Variants in CD99L2 observed in about 807,000 individuals in gnomAD.
The protein encoded by CD99L2 is CD99 antigen-like protein 2.
In CD99L2, 24 loss-of-function variants were observed where a neutral mutation model predicts 27.3. The ratio of observed to expected loss-of-function variants is 0.88; its 90% CI spans 0.64 to 1.24. The LOEUF is 1.24. Ranked by LOEUF, CD99L2 falls within the 50% of genes most tolerant of loss-of-function variation. CD99L2 has a pLI of 0.00. For synonymous variants in CD99L2, 97 were observed against 87.9 expected (o/e 1.10, Z -0.58); for missense variants, 255 against 221.6 (o/e 1.15, Z -0.96).
At chrX:150,864,063 A>G (rs1353087889) in intron 1 of CD99L2, among the ~76,000 whole-genome samples, 1 of 112,244 alleles carries the variant, frequency 8.9e-6, no homozygotes, top group Non-Finnish European at 1.9e-5. Context: ...CCAGTTTGTG[A>G]TACTTTGTTA....
intron 1 of CD99L2, among the ~76,000 whole-genome samples, chrX:150,868,150 TG>T (rs781852634): frequency 1.8e-5 from 2 of 109,664 alleles, no homozygotes; most frequent in South Asian, 7.7e-4. Context: ...CCCACATTAG[TG>T]TAATTAGCGT....
intron 7 of CD99L2, among the ~76,000 whole-genome samples, chrX:150,778,678 A>AC (rs1557419359): frequency 4.3e-5 from 1 of 23,376 alleles, no homozygotes; most frequent in African/African-American, 1.2e-4. Context: ...TATAATAAAA[A>AC]AAAAAAAATA....
chrX:150,793,642 C>A (rs375119285), intron 7 of CD99L2, 49 bp downstream of exon 7: 5 of 1,050,412 alleles, frequency 4.8e-6, no homozygotes, highest in Non-Finnish European at 6.4e-6. Flanking sequence ...TGCATAATCA[C>A]CTTTTTCACC....
intron 4 of CD99L2, among the ~76,000 whole-genome samples, chrX:150,812,098 C>G (rs1557420369): frequency 9.0e-6 from 1 of 111,699 alleles, no homozygotes; most frequent in African/African-American, 3.3e-5. Context: ...GAGGTCAAGG[C>G]TGCAGTGAAC....
At chrX:150,827,988 A>G (rs1244940747) in intron 2 of CD99L2, among the ~76,000 whole-genome samples, 1 of 111,976 alleles carries the variant, frequency 8.9e-6, no homozygotes, top group Admixed American at 9.5e-5. Context: ...GTTCTATTCC[A>G]TTGATCTCTA....
intron 9 of CD99L2, among the ~76,000 whole-genome samples, chrX:150,773,239 G>A (rs1176619380): frequency 3.6e-5 from 4 of 112,162 alleles, no homozygotes; most frequent in Non-Finnish European, 5.6e-5. Context: ...GGCCCAAGCC[G>A]GCCACCCTGT....
At chrX:150,857,767 GAAGAA>G (rs782153525) in intron 1 of CD99L2, among the ~76,000 whole-genome samples, 5 of 112,059 alleles carry the variant, frequency 4.5e-5, no homozygotes, top group South Asian at 3.7e-4. Context: ...AACAATAAGA[GAAGAA>G]AAGGACAAAC....
intron 2 of CD99L2, among the ~76,000 whole-genome samples, chrX:150,830,195 A>AG (rs1388260734): frequency 9.5e-6 from 1 of 105,534 alleles, no homozygotes; most frequent in Non-Finnish European, 2.0e-5. Context: ...TTAAAAAATG[A>AG]AAAAAAAAAG....
chrX:150,824,681 GAA>G (rs2046340884), intron 2 of CD99L2, among the ~76,000 whole-genome samples: 1 of 88,214 alleles, frequency 1.1e-5, no homozygotes, highest in African/African-American at 4.2e-5. Flanking sequence ...AGAGGAAGAA[GAA>G]GAAGAGGAAG....
intron 8 of CD99L2, among the ~76,000 whole-genome samples, chrX:150,776,680 T>C (rs2043561144): frequency 9.0e-6 from 1 of 111,481 alleles, no homozygotes; most frequent in Non-Finnish European, 1.9e-5. Context: ...TTGGAAACGT[T>C]CAGGGGAAGG....
At chrX:150,838,907 A>T (rs1459489155) in intron 1 of CD99L2, among the ~76,000 whole-genome samples, 27 of 84,829 alleles carry the variant, frequency 3.2e-4, no homozygotes, top group Admixed American at 1.4e-3. Context: ...GTAAAAAAAA[A>T]AAAAAAAAAA....
At chrX:150,886,548 A>AATTCTC (rs1557422630) in intron 1 of CD99L2, among the ~76,000 whole-genome samples, 91 of 112,836 alleles carry the variant, frequency 8.1e-4, no homozygotes, top group Middle Eastern at 4.6e-3. Flanking sequence ...ACGTTCACAC[A>AATTCTC]ATGAGATCAC....
chrX:150,792,705 G>T (rs1557419746), intron 7 of CD99L2, among the ~76,000 whole-genome samples: 2 of 111,647 alleles, frequency 1.8e-5, no homozygotes, highest in African/African-American at 6.5e-5. Context: ...ATTGCAACAG[G>T]TTACAACCAG....
intron 2 of CD99L2, among the ~76,000 whole-genome samples, chrX:150,826,127 C>T (rs2046363652): frequency 8.9e-6 from 1 of 111,795 alleles, no homozygotes; most frequent in African/African-American, 3.3e-5. Flanking sequence ...TGTGAGAACA[C>T]AGCTAGAAGG....
chrX:150,858,559 T>C (rs782274365), intron 1 of CD99L2, among the ~76,000 whole-genome samples: 2 of 112,364 alleles, frequency 1.8e-5, no homozygotes, highest in African/African-American at 3.2e-5. Flanking sequence ...CTTTGGAAAC[T>C]ATGCCAATGC....
Position 150,824,647 on chromosome X carries a change from A to AGAAGAAGAAGAG in CD99L2, c.130+6583_130+6584insCTCTTCTTCTTC, listed in dbSNP as rs1557420860. On this transcript the variant is annotated intron_variant, in intron 2 of 10. Coordinates refer to ENST00000370377, the MANE Select transcript of CD99L2 (RefSeq NM_031462.4). ...AAGGAGGAGAAGAAGGAGGAGAAGA[A>AGAAGAAGAAGAG]GAAGAAGAAGAAGAAGAAGAGGAAG... Among the ~76,000 whole-genome samples, 299 of 87,158 alleles carry AGAAGAAGAAGAG rather than the reference A, an allele frequency of 3.4e-3. 2 individuals are homozygous for AGAAGAAGAAGAG. Among genetic ancestry groups the AGAAGAAGAAGAG allele is most frequent in the African/African-American group, 0.013 (282 of 21,370 alleles). 75.7% of individuals were successfully genotyped at this position (87,158 alleles called of 115,157 possible). A position where few individuals can be genotyped will look rare whatever the true frequency, so the allele number is the denominator to read the frequency against.
At chrX:150,794,560 C>T (rs2045757473) in intron 6 of CD99L2, among the ~76,000 whole-genome samples, 1 of 112,538 alleles carries the variant, frequency 8.9e-6, no homozygotes, top group Admixed American at 9.4e-5. Flanking sequence ...CCCACGGAAC[C>T]AAGTGTGGAA....
rs1184809144 is a variant in CD99L2 at position 150,816,074 on chromosome X, T to C, written c.135A>G (p.Pro45=). 5.0e-5 allele frequency: 61 copies of C among 1,208,958 alleles called. No homozygotes were observed. The highest frequency in any genetic ancestry group is 6.8e-5 in the Non-Finnish European group (61 of 894,761). ...AVKETSSVKQ[P]WDHTTTTTTN... is the part of the protein sequence containing the mutation. ...TTGTGGTGGTGGTGGTGTGGTCCCA[T>C]GGCTCTAAAAGGGAGAGGGAGGACA... is the stretch of plus-strand genomic sequence containing the variant. Residue 45 remains proline, a synonymous_variant, in exon 3 of 11, where the codon CCA becomes CCG. Transcript: ENST00000370377.
At chrX:150,878,579 T>C (rs1338934053) in intron 1 of CD99L2, among the ~76,000 whole-genome samples, 1 of 102,825 alleles carries the variant, frequency 9.7e-6, no homozygotes, top group Non-Finnish European at 2.0e-5. Flanking sequence ...AGGAAAAAAA[T>C]GTTGATTTTC....
Sources: gnomAD v4.1 joint callset for allele counts (sites outside exome capture counted in the v4.1 genomes callset) on GRCh38, gnomAD v4.1.1 for gene constraint, MANE v1.5 for transcripts, NCBI Gene and HGNC (gene_info 2026-07-23, HGNC 2026-07-21) for gene names.